The following DGKB variants were observed in gnomAD, a reference collection of about 807,000 sequenced individuals.
The protein encoded by DGKB is 90 kDa diacylglycerol kinase.
A neutral mutation model predicts 114.3 loss-of-function variants in DGKB; 67 were observed. The observed-to-expected ratio is 0.59, with a 90% CI of 0.48 to 0.72. DGKB has a LOEUF of 0.72. Among genes scored for constraint, DGKB ranks in the 30% least tolerant of loss-of-function variants. The pLI is 0.00. For synonymous variants in DGKB, 398 were observed against 323.1 expected (o/e 1.23, Z -2.49); for missense variants, 907 against 975.2 (o/e 0.93, Z 0.93).
chr7:14,926,554 G>A (rs996145051), intron 1 of DGKB, among the ~76,000 whole-genome samples: 19 of 149,592 alleles, frequency 1.3e-4, no homozygotes, highest in African/African-American at 4.2e-4. Context: ...CTTCTCTATC[G>A]TCATGGAACC....
At chr7:14,644,925 C>A (rs1220576684) in intron 13 of DGKB, among the ~76,000 whole-genome samples, 2 of 152,166 alleles carry the variant, frequency 1.3e-5, no homozygotes, top group African/African-American at 4.8e-5. Flanking sequence ...CCTAGGCAGA[C>A]AGGGATGGGT....
At chr7:14,653,572 G>C (rs1472803150) in intron 13 of DGKB, among the ~76,000 whole-genome samples, 1 of 151,922 alleles carries the variant, frequency 6.6e-6, no homozygotes, top group African/African-American at 2.4e-5. Flanking sequence ...GAGTTAGTGG[G>C]TTCAGCGCAC....
At chr7:14,717,350 T>C (rs1480860000) in intron 6 of DGKB, among the ~76,000 whole-genome samples, 1 of 152,142 alleles carries the variant, frequency 6.6e-6, no homozygotes, top group African/African-American at 2.4e-5. Flanking sequence ...TGATAACACC[T>C]GAGCAAACTT....
intron 1 of DGKB, among the ~76,000 whole-genome samples, chr7:14,959,645 G>A (rs1374957838): frequency 6.6e-6 from 1 of 151,610 alleles, no homozygotes; most frequent in Admixed American, 6.6e-5. Flanking sequence ...AGAAGTAACT[G>A]GAAAGCTCAG....
At chr7:14,748,176 T>G (rs565691207) in intron 4 of DGKB, among the ~76,000 whole-genome samples, 1 of 152,316 alleles carries the variant, frequency 6.6e-6, no homozygotes, top group South Asian at 2.1e-4. Flanking sequence ...GGCTCTGTTC[T>G]AGGTGTTTGG....
At chr7:14,295,015 A>AGGT (rs1802318892) in intron 23 of DGKB, among the ~76,000 whole-genome samples, 1 of 152,172 alleles carries the variant, frequency 6.6e-6, no homozygotes, top group African/African-American at 2.4e-5. Context: ...GGCATCCATC[A>AGGT]ACAGGTATCA....
chr7:14,675,807 T>C (rs1819757748), intron 12 of DGKB, among the ~76,000 whole-genome samples: 2 of 152,214 alleles, frequency 1.3e-5, no homozygotes, highest in East Asian at 3.9e-4. Context: ...GAATACCTTA[T>C]GCTTGTATTA....
intron 2 of DGKB, among the ~76,000 whole-genome samples, chr7:14,800,141 C>T (rs1355335580): frequency 6.6e-6 from 1 of 152,140 alleles, no homozygotes; most frequent in Non-Finnish European, 1.5e-5. Flanking sequence ...TGGTCTCAAT[C>T]TCTTGACCTC....
At chr7:14,308,603 C>A (rs1804861588) in intron 23 of DGKB, among the ~76,000 whole-genome samples, 1 of 151,986 alleles carries the variant, frequency 6.6e-6, no homozygotes, top group Non-Finnish European at 1.5e-5. Context: ...AGTTACAAGA[C>A]CACAAACATT....
At chr7:14,319,413 T>G (rs1807303060) in intron 23 of DGKB, among the ~76,000 whole-genome samples, 1 of 152,144 alleles carries the variant, frequency 6.6e-6, no homozygotes, top group Non-Finnish European at 1.5e-5. Flanking sequence ...TTACTAAATT[T>G]TTGTTTTTTA....
At chr7:14,286,160 A>T (rs1270699748) in intron 23 of DGKB, among the ~76,000 whole-genome samples, 2 of 152,076 alleles carry the variant, frequency 1.3e-5, no homozygotes, top group African/African-American at 2.4e-5. Flanking sequence ...ACCATAAAGA[A>T]ATTTTAGGGA....
intron 21 of DGKB, among the ~76,000 whole-genome samples, chr7:14,391,171 A>C (rs1342762681): frequency 1.3e-5 from 2 of 152,202 alleles, no homozygotes; most frequent in African/African-American, 4.8e-5. Flanking sequence ...CATTAAATTC[A>C]CTTTTAAGAA....
intron 21 of DGKB, among the ~76,000 whole-genome samples, chr7:14,391,176 T>C (rs1821246255): frequency 6.6e-6 from 1 of 152,250 alleles, no homozygotes; most frequent in Non-Finnish European, 1.5e-5. Flanking sequence ...AATTCACTTT[T>C]AAGAATTCAG....
chr7:14,791,960 G>C (rs1241813564), intron 2 of DGKB, among the ~76,000 whole-genome samples: 1 of 151,928 alleles, frequency 6.6e-6, no homozygotes, highest in African/African-American at 2.4e-5. Flanking sequence ...CTGGTATCAG[G>C]GTAATACAAG....
At chr7:14,204,954 A>T (rs998073363) in intron 23 of DGKB, among the ~76,000 whole-genome samples, 5 of 149,314 alleles carry the variant, frequency 3.3e-5, no homozygotes, top group African/African-American at 1.2e-4. Context: ...TGTGTCCACA[A>T]CTGTAGCTAT....
chr7:14,730,866 T>G (rs1251235348), intron 5 of DGKB, among the ~76,000 whole-genome samples: 1 of 152,146 alleles, frequency 6.6e-6, no homozygotes, highest in Non-Finnish European at 1.5e-5. Context: ...AAAATAAGTT[T>G]AATTAAAAAA....
intron 21 of DGKB, among the ~76,000 whole-genome samples, chr7:14,351,712 T>A (rs1173860865): frequency 2.0e-5 from 3 of 152,198 alleles, no homozygotes; most frequent in Non-Finnish European, 1.5e-5. Context: ...AATTATGGTA[T>A]CAAATTTAAG....
At chr7:14,215,834 G>A (rs1788866065) in intron 23 of DGKB, among the ~76,000 whole-genome samples, 1 of 152,070 alleles carries the variant, frequency 6.6e-6, no homozygotes, top group African/African-American at 2.4e-5. Flanking sequence ...GATTTGAAAG[G>A]TATGCATTTT....
At chr7:14,157,919 C>G (rs1368189317) in intron 25 of DGKB, among the ~76,000 whole-genome samples, 1 of 152,148 alleles carries the variant, frequency 6.6e-6, no homozygotes, top group African/African-American at 2.4e-5. Context: ...TGTGACTTGA[C>G]TTTTCTTACT....
Sources: allele counts gnomAD v4.1 joint callset (sites outside exome capture counted in the v4.1 genomes callset), GRCh38; gene constraint gnomAD v4.1.1; transcripts MANE v1.5; gene names NCBI Gene and HGNC (gene_info 2026-07-23, HGNC 2026-07-21).